The following PUM3 variants were observed in gnomAD, a reference collection of about 807,000 sequenced individuals.
PUM3 encodes the protein pumilio RNA binding family member 3.
Under a neutral mutation model 84.0 loss-of-function variants are expected in PUM3, and 91 were observed. That is an observed-to-expected ratio of 1.08 (90% CI 0.91 to 1.29). The LOEUF (loss-of-function observed/expected upper bound fraction) is 1.29, where lower values mean the gene tolerates loss of function less well. Ranked by LOEUF, PUM3 falls within the 50% of genes most tolerant of loss-of-function variation. The probability of loss-of-function intolerance (pLI) is 0.00; values close to 1 mark genes in which losing one functional copy is unlikely to be tolerated. For synonymous variants in PUM3, 321 were observed against 266.7 expected (o/e 1.20, Z -1.98); for missense variants, 1,067 against 767.5 (o/e 1.39, Z -4.61).
intron 13 of PUM3, among the ~76,000 whole-genome samples, chr9:2,816,553 C>G (rs765013064): frequency 2.0e-5 from 3 of 152,162 alleles, no homozygotes; most frequent in Non-Finnish European, 4.4e-5. Flanking sequence ...ATGTGAAGAT[C>G]TATCGCCATG....
At chr9:2,830,896 G>A in intron 7 of PUM3, 66 bp downstream of exon 7, 1 of 805,408 alleles carries the variant, frequency 1.2e-6, no homozygotes, top group South Asian at 1.5e-5. Flanking sequence ...TCGCATCTGA[G>A]CACAGTTGGA....
At chr9:2,814,080 C>A (rs1326090175) in intron 13 of PUM3, among the ~76,000 whole-genome samples, 1 of 152,256 alleles carries the variant, frequency 6.6e-6, no homozygotes, top group Non-Finnish European at 1.5e-5. Flanking sequence ...AAATGAATAA[C>A]TAATTACAAC....
At chr9:2,842,169 TG>T (rs1563838026) in intron 1 of PUM3, among the ~76,000 whole-genome samples, 2 of 152,210 alleles carry the variant, frequency 1.3e-5, no homozygotes, top group African/African-American at 4.8e-5. Flanking sequence ...ACCTTCGTAA[TG>T]AATCATCACA....
At chr9:2,824,943 A>C in intron 10 of PUM3, 128 bp from the exon 11 acceptor site, 1 of 462,994 alleles carries the variant, frequency 2.2e-6, no homozygotes. Flanking sequence ...GTAGCAAACA[A>C]TTTCATTTTG....
chr9:2,823,266 C>T (rs1016555778), intron 12 of PUM3, among the ~76,000 whole-genome samples: 1 of 151,976 alleles, frequency 6.6e-6, no homozygotes, highest in Non-Finnish European at 1.5e-5. Context: ...AAAATTGTTA[C>T]TGCATTTCTA....
rs1816058000 is a variant in PUM3, at chr9:2,834,085, T to C, written c.386A>G (p.Lys129Arg). The change falls in exon 4 of 18, where the codon AAA becomes AGA. Residue 129 changes from lysine to arginine, a missense_variant. By Grantham distance (26) the Lys-to-Arg change is conservative. Coordinates refer to ENST00000397885, the MANE Select transcript of PUM3 (RefSeq NM_014878.5). ...CCGAACAACAATGTCATAGTTGGTT[T>C]TATCACTGAGTTGTCTGCTTTGCTT... ...ELKQSRQLSD[K>R]TNYDIVVRAK... 1 of 1,613,748 alleles carries C rather than the reference T, an allele frequency of 6.2e-7. No individual in the cohort carries two copies. Among genetic ancestry groups the C allele is most frequent in the Non-Finnish European group, 8.5e-7 (1 of 1,179,836 alleles).
intron 9 of PUM3, 120 bp from the exon 10 acceptor site, chr9:2,827,271 A>C (rs2270890): frequency 1.6e-6 from 1 of 643,440 alleles, no homozygotes; most frequent in East Asian, 3.1e-5. Flanking sequence ...ACTGAATACA[A>C]TTTGTCATAA....
chr9:2,805,217 A>C (rs1229933575), intron 17 of PUM3, among the ~76,000 whole-genome samples: 4 of 152,194 alleles, frequency 2.6e-5, no homozygotes, highest in African/African-American at 2.4e-5. Context: ...CTTAGTAAGC[A>C]CTTAATAAAT....
intron 13 of PUM3, among the ~76,000 whole-genome samples, chr9:2,813,956 T>A (rs1821419263): frequency 7.0e-6 from 1 of 142,866 alleles, no homozygotes; most frequent in Non-Finnish European, 1.5e-5. Context: ...ACCAGTCCAA[T>A]CCCCATTATG....
Position 2,812,482 on chromosome 9 carries a change from T to C in PUM3, c.1270-120A>G, listed in dbSNP as rs907526238. On this transcript the variant is annotated intron_variant, in intron 13 of 17. Coordinates refer to ENST00000397885, the MANE Select transcript of PUM3 (RefSeq NM_014878.5). ...TAAGCAAGGAACTGATAATTTCCTA[T>C]AAAATTATAGTATATGTGCTGCCAA... 8.4e-5 allele frequency: 58 copies of C among 690,554 alleles called. No homozygotes were observed. In the Middle Eastern group the frequency reaches 1.5e-3, roughly 18 times the overall value. The allele number at this position is 690,554 out of a possible 1,614,324, so 42.8% of individuals were successfully genotyped here. A position where few individuals can be genotyped will look rare whatever the true frequency, so the allele number is the denominator to read the frequency against.
intron 12 of PUM3, among the ~76,000 whole-genome samples, chr9:2,822,728 CAT>C (rs138321516): frequency 0.44 from 63,814 of 146,014 alleles, 14,197 homozygotes; most frequent in South Asian, 0.56. Flanking sequence ...ATATTTATAA[CAT>C]AATAATATAA....
intron 17 of PUM3, among the ~76,000 whole-genome samples, chr9:2,805,335 C>A (rs1183995860): frequency 1.3e-5 from 2 of 152,186 alleles, no homozygotes; most frequent in African/African-American, 2.4e-5. Flanking sequence ...AGGCCCATTT[C>A]TCTGTGGATA....
chr9:2,812,106 C>G, intron 14 of PUM3, 114 bp downstream of exon 14: 1 of 844,244 alleles, frequency 1.2e-6, no homozygotes, highest in East Asian at 2.6e-5. Flanking sequence ...AAATGGAATT[C>G]ACCTTTTCAG....
intron 14 of PUM3, 103 bp downstream of exon 14, chr9:2,812,117 C>A: frequency 1.1e-6 from 1 of 905,170 alleles, no homozygotes; most frequent in Admixed American, 2.5e-5. Context: ...ACCTTTTCAG[C>A]AGTTTTAGAG....
intron 13 of PUM3, among the ~76,000 whole-genome samples, chr9:2,818,182 G>C (rs923714062): frequency 6.6e-6 from 1 of 152,198 alleles, no homozygotes; most frequent in South Asian, 2.1e-4. Flanking sequence ...AAATCCAAGG[G>C]CAATTAGCAT....
intron 5 of PUM3, 110 bp from the exon 6 acceptor site, chr9:2,831,454 T>C (rs972494110): frequency 5.6e-6 from 4 of 708,616 alleles, no homozygotes; most frequent in Non-Finnish European, 9.8e-6. Flanking sequence ...GTAGTCTTCA[T>C]GAATAAAATC....
chr9:2,831,110 A>G, intron 6 of PUM3, 82 bp from the exon 7 acceptor site: 7 of 987,728 alleles, frequency 7.1e-6, no homozygotes, highest in Non-Finnish European at 9.2e-6. Flanking sequence ...TGTCCCAGGC[A>G]AGGAAAAAAT....
In PUM3 at chr9:2,843,573, C is replaced by CTT. The variant is rs34837134; in HGVS notation, c.-11+470_-11+471dup. ...GGAGAGAGGTCGGAGTCCCGCCCTT[C>CTT]TTTTTTTTTTTTTTTTTTTTTTTGA... On this transcript the variant is annotated intron_variant, in intron 1 of 17. Coordinates refer to ENST00000397885, the MANE Select transcript of PUM3 (RefSeq NM_014878.5). 4.5e-3 allele frequency among the ~76,000 whole-genome samples: 435 copies of CTT among 96,368 alleles called. 4 individuals carry two copies. Among genetic ancestry groups the CTT allele is most frequent in the African/African-American group, 0.011 (279 of 24,692 alleles). 63.2% of individuals were successfully genotyped at this position (96,368 alleles called of 152,430 possible).
chr9:2,816,428 G>C (rs1586719880), intron 13 of PUM3, among the ~76,000 whole-genome samples: 2 of 152,258 alleles, frequency 1.3e-5, no homozygotes, highest in East Asian at 1.9e-4. Flanking sequence ...AATAAAAAAA[G>C]TCCTGGAGAT....
Sources: gnomAD v4.1 joint callset for allele counts (sites outside exome capture counted in the v4.1 genomes callset) on GRCh38, gnomAD v4.1.1 for gene constraint, MANE v1.5 for transcripts, NCBI Gene and HGNC (gene_info 2026-07-23, HGNC 2026-07-21) for gene names.